SUGP2: variants seen among roughly 807,000 people sequenced by gnomAD.
SUGP2 encodes SURP and G-patch domain-containing protein 2.
SUGP2 carries 24 observed loss-of-function variants against 90.5 expected under a neutral mutation model. That is an observed-to-expected ratio of 0.27 (90% confidence interval 0.19 to 0.37). The LOEUF (loss-of-function observed/expected upper bound fraction) is 0.37. Ranked by LOEUF, SUGP2 falls within the 10% of genes least tolerant of loss-of-function variation. The pLI is 1.00. For synonymous variants in SUGP2, 473 were observed against 513.4 expected (o/e 0.92, Z 1.06); for missense variants, 1,233 against 1,363.3 (o/e 0.90, Z 1.51).
At chr19:19,004,695 A>G (rs750689111) in intron 6 of SUGP2, 49 bp from the exon 7 acceptor site, 2 of 1,440,056 alleles carry the variant, frequency 1.4e-6, no homozygotes, top group Non-Finnish European at 1.9e-6. Context: ...ATCTCTCAAC[A>G]TTTTTATTTG....
intron 4 of SUGP2, among the ~76,000 whole-genome samples, chr19:19,011,232 C>T (rs1045623411): frequency 1.3e-5 from 2 of 151,834 alleles, no homozygotes; most frequent in African/African-American, 2.4e-5. Flanking sequence ...ACCGCAGCCT[C>T]GACCTTCTGG....
intron 4 of SUGP2, among the ~76,000 whole-genome samples, chr19:19,015,023 A>G (rs1195665866): frequency 1.3e-5 from 2 of 151,826 alleles, no homozygotes; most frequent in Non-Finnish European, 1.5e-5. Context: ...AACATGGTGA[A>G]ATCCCGTCTC....
rs753424416 is a variant in SUGP2, at chr19:19,025,452, G to T, written c.896C>A (p.Pro299His). The T allele has an allele frequency of 1.7e-5, 28 of 1,614,056 alleles. No homozygotes were observed. The Admixed American group carries it at 4.2e-4, about 24-fold the overall frequency. Residue 299 changes from proline (P) to histidine (H), a missense_variant, in exon 3 of 11, where the codon CCT becomes CAT. Around this residue, in one of 8 missense-constraint regions of SUGP2, gnomAD observed 418 missense variants for 399.9 expected, o/e 1.05. Transcript: ENST00000452918. The part of the protein sequence containing the change: ...EDIQFPIQKI[P>H]LGLDLKNLRL... The stretch of plus-strand genomic sequence containing the variant: ...AAGATTCTTCAGATCCAGCCCCAGA[G>T]GGATCTTCTGAATGGGGAACTGGAT...
At position 19,004,536 on chromosome 19, in the gene SUGP2, C is replaced by T. The variant is rs1406516596; in HGVS notation, c.2561G>A (p.Gly854Asp). The part of the protein sequence containing the change: ...TSSPHNLHTG[G>D]GDTTGSQESP... ...CTCCTGAGAACCCGTGGTGTCACCA[C>T]CACCAGTGTGAAGGTTGTGCGGAGA... Residue 854 changes from glycine to aspartate, a missense_variant, in exon 7 of 11, where the codon GGT becomes GAT. Physicochemically the swap from Gly to Asp is moderately conservative, Grantham distance 94 (BLOSUM62 -1). Coordinates refer to ENST00000452918, the MANE Select transcript of SUGP2 (RefSeq NM_001017392.5). 2.5e-6 allele frequency: 4 copies of T among 1,614,228 alleles called. No individual in the cohort carries two copies. The highest frequency in any genetic ancestry group is 1.7e-5 in the Admixed American group (1 of 60,030).
chr19:19,001,703 A>G (rs202217725), intron 7 of SUGP2, 29 bp from the exon 8 acceptor site: 3 of 1,610,446 alleles, frequency 1.9e-6, no homozygotes, highest in East Asian at 2.2e-5. Context: ...AGACACATAC[A>G]CATACATGTG....
At chr19:19,004,895 G>A (rs886899717) in intron 6 of SUGP2, among the ~76,000 whole-genome samples, 7 of 152,174 alleles carry the variant, frequency 4.6e-5, no homozygotes, top group East Asian at 1.9e-4. Context: ...AGAGGCGGAC[G>A]AACAAGGTAT....
At chr19:19,021,406 T>A (rs2058723570) in intron 3 of SUGP2, among the ~76,000 whole-genome samples, 2 of 152,130 alleles carry the variant, frequency 1.3e-5, no homozygotes, top group Non-Finnish European at 2.9e-5. Flanking sequence ...AAACTGCTTT[T>A]TTTTTCATGG....
In SUGP2 at chr19:18,994,640, A is replaced by G. The variant is rs10404879; in HGVS notation, c.3129-154T>C. The stretch of plus-strand genomic sequence containing the variant: ...GGAAAATCAAGACGCGACTCACAGT[A>G]GAAACAAGGAGTACTCACCCTCGAA... On this transcript the variant is annotated intron_variant, in intron 9 of 10. Transcript: ENST00000452918. 5,744 of 1,065,886 alleles carry G rather than the reference A, an allele frequency of 5.4e-3. 202 individuals carry two copies. The African/African-American group carries it at 0.081, about 15-fold the overall frequency. The allele number at this position is 1,065,886 out of a possible 1,614,324, so 66.0% of individuals were successfully genotyped here. A position where few individuals can be genotyped will look rare whatever the true frequency, so the allele number is the denominator to read the frequency against.
chr19:19,019,601 AC>A (rs765933050), intron 3 of SUGP2, among the ~76,000 whole-genome samples: 18 of 152,104 alleles, frequency 1.2e-4, no homozygotes, highest in African/African-American at 1.7e-4. Context: ...TATAAAATAT[AC>A]AAAAATGTAT....
chr19:19,013,806 G>C (rs2058390987), intron 4 of SUGP2, among the ~76,000 whole-genome samples: 1 of 152,098 alleles, frequency 6.6e-6, no homozygotes, highest in African/African-American at 2.4e-5. Context: ...CACTCCCAGG[G>C]GACAATTTAG....
intron 5 of SUGP2, among the ~76,000 whole-genome samples, chr19:19,008,641 A>G (rs550708673): frequency 1.3e-5 from 2 of 152,308 alleles, no homozygotes; most frequent in Admixed American, 1.3e-4. Flanking sequence ...CACATCAGCT[A>G]TAGAATGTGG....
At chr19:19,030,915 C>A (rs528350861) in intron 2 of SUGP2, 36 bp downstream of exon 2, 3 of 1,592,638 alleles carry the variant, frequency 1.9e-6, no homozygotes, top group South Asian at 2.3e-5. Flanking sequence ...ACACCCCTAC[C>A]AAAACAACAA....
intron 3 of SUGP2, among the ~76,000 whole-genome samples, chr19:19,020,024 C>A: frequency 3.3e-5 from 4 of 122,058 alleles, no homozygotes; most frequent in Non-Finnish European, 5.2e-5. Context: ...ATTAGCCAGG[C>A]ATGGTGGGAT....
chr19:18,995,322 A>C, intron 8 of SUGP2, 42 bp from the exon 9 acceptor site: 1 of 1,554,116 alleles, frequency 6.4e-7, no homozygotes, highest in Non-Finnish European at 8.7e-7. Flanking sequence ...CCACAGGGAG[A>C]TGCCTGGATC....
At position 18,994,422 on chromosome 19, in the gene SUGP2, C is replaced by A. The variant is rs773129237; in HGVS notation, c.3193G>T (p.Asp1065Tyr). 2 of 1,614,188 alleles carry A rather than the reference C, an allele frequency of 1.2e-6. No individual in the cohort carries two copies. Among genetic ancestry groups the A allele is most frequent in the Non-Finnish European group, 8.5e-7 (1 of 1,180,022 alleles). ...DGQEHKEDTF[D>Y]VFRQRMMQMY... is the part of the protein sequence containing the mutation. ...TGCATCATCCTCTGTCGGAACACAT[C>A]GAATGTGTCTTCTTTGTGCTCCTGC... The change falls in exon 10 of 11, where the codon GAT becomes TAT. Residue 1065 changes from aspartate to tyrosine, a missense_variant. Asp to Tyr is a radical substitution (Grantham distance 160, BLOSUM62 -3). Around this residue, in one of 8 missense-constraint regions of SUGP2, gnomAD observed 53 missense variants for 55.3 expected, o/e 0.96. Transcript: ENST00000452918.
Position 19,010,079 on chromosome 19 carries a change from G to A in SUGP2, c.2114C>T (p.Ser705Phe). 1 of 1,613,850 alleles carries A rather than the reference G, an allele frequency of 6.2e-7. No individual in the cohort carries two copies. The highest frequency in any genetic ancestry group is 8.5e-7 in the Non-Finnish European group (1 of 1,180,002). The change falls in exon 5 of 11, where the codon TCC becomes TTC. Residue 705 changes from serine (S) to phenylalanine (F), a missense_variant. Around this residue, in one of 8 missense-constraint regions of SUGP2, gnomAD observed 540 missense variants for 542.6 expected, o/e 1.00. Transcript: ENST00000452918. Reference protein sequence around the residue: ...RATTGTQTLLSSGTRLKHHGR... With the variant: ...RATTGTQTLLFSGTRLKHHGR... Reference sequence around the variant, plus strand: ...GTGGTGTTTCAGCCTGGTGCCTGAGGATAGGAGGGTCTGGGTCCCGGTGGT... The same window carrying A: ...GTGGTGTTTCAGCCTGGTGCCTGAGAATAGGAGGGTCTGGGTCCCGGTGGT...
intron 8 of SUGP2, among the ~76,000 whole-genome samples, chr19:19,000,557 A>G (rs1417442084): frequency 6.6e-6 from 1 of 152,006 alleles, no homozygotes; most frequent in Admixed American, 6.6e-5. Context: ...GTAAGTTTTT[A>G]TGTTTTATTT....
Position 18,993,674 on chromosome 19 carries a change from G to C in SUGP2, c.*67C>G, listed in dbSNP as rs1467791798. ...TGGGCACTGGCTCCAGGCCGATCCAGGGCAGGGATGATGTTTTAAGGGCAA... is the reference window on the plus strand; with the variant it reads ...TGGGCACTGGCTCCAGGCCGATCCACGGCAGGGATGATGTTTTAAGGGCAA... On this transcript the variant is annotated 3_prime_UTR_variant, in exon 11 of 11. Transcript: ENST00000452918. 6.6e-6 allele frequency: 1 copy of C among 152,642 alleles called. No homozygotes were observed. The highest frequency in any genetic ancestry group is 1.5e-5 in the Non-Finnish European group (1 of 68,082). 9.5% of individuals were successfully genotyped at this position (152,642 alleles called of 1,614,324 possible).
rs1436163109 is a variant in SUGP2, at chr19:18,993,394, G to T, written c.*347C>A. 1.3e-5 allele frequency: 2 copies of T among 152,164 alleles called. No individual in the cohort carries two copies. The highest frequency in any genetic ancestry group is 4.8e-5 in the African/African-American group (2 of 41,428). 9.4% of individuals were successfully genotyped at this position (152,164 alleles called of 1,614,324 possible). A position where few individuals can be genotyped will look rare whatever the true frequency, so the allele number is the denominator to read the frequency against. On this transcript the variant is annotated 3_prime_UTR_variant, in exon 11 of 11. Transcript: ENST00000452918. ...CTGGAGAGCAATGGCCAGTCCAACT[G>T]GAAAATCAGCCAGAGGAGCTGGTTC...
Sources: gnomAD v4.1 joint callset for allele counts (sites outside exome capture counted in the v4.1 genomes callset) on GRCh38, gnomAD v4.1.1 for gene constraint, gnomAD v4.1.1 regional missense constraint, MANE v1.5 for transcripts, NCBI Gene and HGNC (gene_info 2026-07-23, HGNC 2026-07-21) for gene names.